CRPPA: variants seen among roughly 807,000 people sequenced by gnomAD.
CRPPA encodes the protein D-ribitol-5-phosphate cytidylyltransferase.
Under a neutral mutation model 52.0 loss-of-function variants are expected in CRPPA, and 43 were observed. The ratio of observed to expected loss-of-function variants is 0.83; its 90% CI spans 0.65 to 1.07. The LOEUF is 1.07. Among genes scored for constraint, CRPPA ranks in the 50% least tolerant of loss-of-function variants. The pLI, the probability that CRPPA is intolerant of heterozygous loss-of-function variation, is 0.00. For missense variants in CRPPA, 629 were observed against 551.7 expected, an observed-to-expected ratio of 1.14 and a Z score of -1.40; for synonymous variants, 250 against 203.5, an observed-to-expected ratio of 1.23 and a Z score of -1.94.
In CRPPA at chr7:16,241,771, G is replaced by A. The variant is rs79828425; in HGVS notation, c.1119+16619C>T. On this transcript the variant is annotated intron_variant, in intron 8 of 9. Transcript: ENST00000407010. ...TTGGATGTGGGAAGGTATTATTTGT[G>A]GTTTTACATAATACCGCTAAAAAAC... is the stretch of plus-strand genomic sequence containing the variant. Among the ~76,000 whole-genome samples the A allele has an allele frequency of 0.019, 2,838 of 151,880 alleles. 124 individuals are homozygous for A. The East Asian group carries it at 0.19, about 10-fold the overall frequency.
intron 9 of CRPPA, among the ~76,000 whole-genome samples, chr7:16,128,398 T>G (rs748564828): frequency 1.6e-4 from 25 of 152,170 alleles, no homozygotes; most frequent in Non-Finnish European, 2.9e-4. Flanking sequence ...TTTTTTCTTC[T>G]TTTTTCAAAG....
intron 1 of CRPPA, among the ~76,000 whole-genome samples, chr7:16,416,272 G>A (rs1014565848): frequency 2.6e-5 from 4 of 152,034 alleles, no homozygotes; most frequent in African/African-American, 9.7e-5. Flanking sequence ...TTGGGAAAAG[G>A]ACTCCCTATT....
In CRPPA at chr7:16,286,062, T is replaced by A. The variant is rs1446772151; in HGVS notation, c.836-7836A>T. On this transcript the variant is annotated intron_variant, in intron 5 of 9. Coordinates refer to ENST00000407010, the MANE Select transcript of CRPPA (RefSeq NM_001101426.4). ...AAATATAAATATATATATATATATATATATATATATATATATATAATATTT... is the reference window on the plus strand; with the variant it reads ...AAATATAAATATATATATATATATAAATATATATATATATATATAATATTT... Among the ~76,000 whole-genome samples the A allele has an allele frequency of 6.2e-4, 20 of 32,356 alleles. 2 individuals carry two copies. The highest frequency in any genetic ancestry group is 3.4e-3 in the African/African-American group (17 of 4,950). 21.2% of individuals were successfully genotyped at this position (32,356 alleles called of 152,430 possible).
chr7:16,256,934 C>A (rs1209869314), intron 8 of CRPPA, among the ~76,000 whole-genome samples: 1 of 151,940 alleles, frequency 6.6e-6, no homozygotes, highest in African/African-American at 2.4e-5. Context: ...TTGGGAAATA[C>A]ATGGCTGAAG....
intron 9 of CRPPA, among the ~76,000 whole-genome samples, chr7:16,157,087 A>G (rs1783197647): frequency 6.6e-6 from 1 of 152,178 alleles, no homozygotes; most frequent in African/African-American, 2.4e-5. Context: ...GGTAACAAAG[A>G]CTTCAAAGTA....
Position 16,421,361 on chromosome 7 carries a change from C to G in CRPPA, c.-39G>C. 1 of 1,226,482 alleles carries G rather than the reference C, an allele frequency of 8.2e-7. No homozygotes were observed. Among genetic ancestry groups the G allele is most frequent in the Non-Finnish European group, 1.0e-6 (1 of 983,604 alleles). The allele number at this position is 1,226,482 out of a possible 1,614,324, so 76.0% of individuals were successfully genotyped here. On this transcript the variant is annotated 5_prime_UTR_variant, in exon 1 of 10. Coordinates refer to ENST00000407010, the MANE Select transcript of CRPPA (RefSeq NM_001101426.4). The stretch of plus-strand genomic sequence containing the variant: ...ACGGCGAGCCCCGCTAGCCTCGGGC[C>G]GATGCGACCCCGCGCTGCTCCCACC...
intron 3 of CRPPA, among the ~76,000 whole-genome samples, chr7:16,363,290 C>T (rs1469780349): frequency 6.6e-6 from 1 of 152,114 alleles, no homozygotes; most frequent in Non-Finnish European, 1.5e-5. Context: ...CACAGTTTTG[C>T]ACTGCAAGTT....
intron 8 of CRPPA, among the ~76,000 whole-genome samples, chr7:16,217,532 G>A (rs1208611220): frequency 7.7e-6 from 1 of 130,242 alleles, no homozygotes; most frequent in East Asian, 2.3e-4. Flanking sequence ...CAAAGAAGTT[G>A]AAAACTTTGA....
At chr7:16,309,990 C>T (rs1225098074) in intron 3 of CRPPA, among the ~76,000 whole-genome samples, 1 of 151,914 alleles carries the variant, frequency 6.6e-6, no homozygotes, top group South Asian at 2.1e-4. Flanking sequence ...AAAATGAAAT[C>T]ATAAAACATA....
At chr7:16,335,040 C>A (rs937747677) in intron 3 of CRPPA, among the ~76,000 whole-genome samples, 1 of 150,894 alleles carries the variant, frequency 6.6e-6, no homozygotes, top group Non-Finnish European at 1.5e-5. Context: ...GACGTTCAGG[C>A]CAGGTGAAGT....
intron 9 of CRPPA, among the ~76,000 whole-genome samples, chr7:16,120,455 T>C (rs952562545): frequency 6.6e-5 from 10 of 152,164 alleles, no homozygotes; most frequent in African/African-American, 2.4e-4. Context: ...ATCCCATCAT[T>C]GTACTATATA....
intron 9 of CRPPA, among the ~76,000 whole-genome samples, chr7:16,102,498 T>C (rs1782066855): frequency 6.6e-6 from 1 of 151,862 alleles, no homozygotes; most frequent in African/African-American, 2.4e-5. Context: ...GCAACAGAAA[T>C]GATCATCAAA....
chr7:16,286,878 G>GA (rs1193089723), intron 5 of CRPPA, among the ~76,000 whole-genome samples: 2 of 151,866 alleles, frequency 1.3e-5, no homozygotes, highest in Non-Finnish European at 2.9e-5. Context: ...TAGGGTTTCA[G>GA]AAAAAAACAA....
At chr7:16,214,322 A>G (rs1168983459) in intron 9 of CRPPA, among the ~76,000 whole-genome samples, 1 of 152,192 alleles carries the variant, frequency 6.6e-6, no homozygotes, top group African/African-American at 2.4e-5. Flanking sequence ...CTTTTGCCCT[A>G]GCCAAATGAG....
At chr7:16,330,785 G>A (rs921640827) in intron 3 of CRPPA, among the ~76,000 whole-genome samples, 1 of 152,024 alleles carries the variant, frequency 6.6e-6, no homozygotes, top group Non-Finnish European at 1.5e-5. Flanking sequence ...TCTTAGCAAG[G>A]TCTACCCTGA....
chr7:16,307,673 CAAAAAAAAAAAAAAA>C (rs55682769), intron 4 of CRPPA, among the ~76,000 whole-genome samples: 9 of 44,344 alleles, frequency 2.0e-4, no homozygotes, highest in East Asian at 7.5e-4. Flanking sequence ...GAAACTCTGT[CAAAAAAAAAAAAAAA>C]AAAAAAAAAA....
chr7:16,189,396 G>A (rs10487915), intron 9 of CRPPA, among the ~76,000 whole-genome samples: 47,604 of 152,004 alleles, frequency 0.31, 8,474 homozygotes, highest in Admixed American at 0.41. Flanking sequence ...AGAATGTACG[G>A]TGATTTCTAC....
At chr7:16,206,838 T>G (rs928880128) in intron 9 of CRPPA, among the ~76,000 whole-genome samples, 2 of 152,158 alleles carry the variant, frequency 1.3e-5, no homozygotes, top group African/African-American at 4.8e-5. Context: ...GATATGTTTA[T>G]TATTAAACCA....
chr7:16,380,636 G>A (rs1173903614), intron 2 of CRPPA, among the ~76,000 whole-genome samples: 3 of 152,090 alleles, frequency 2.0e-5, no homozygotes, highest in Non-Finnish European at 4.4e-5. Flanking sequence ...CTTTTTGATT[G>A]GTAAGCTATT....
Sources: gnomAD v4.1 joint callset for allele counts (sites outside exome capture counted in the v4.1 genomes callset) on GRCh38, gnomAD v4.1.1 for gene constraint, MANE v1.5 for transcripts, NCBI Gene and HGNC (gene_info 2026-07-23, HGNC 2026-07-21) for gene names.